The following PIBF1 variants were observed in gnomAD, a reference collection of about 807,000 sequenced individuals.
PIBF1 encodes the protein progesterone immunomodulatory binding factor 1, also known as progesterone-induced-blocking factor 1.
In PIBF1, 90 loss-of-function variants were observed where a neutral mutation model predicts 112.5. The ratio of observed to expected loss-of-function variants is 0.80; its 90% CI spans 0.67 to 0.95. PIBF1 has a LOEUF of 0.95. Among genes scored for constraint, PIBF1 ranks in the 40% least tolerant of loss-of-function variants. The probability of loss-of-function intolerance (pLI) is 0.00; values close to 1 mark genes in which losing one functional copy is unlikely to be tolerated. For missense variants in PIBF1, 915 were observed against 852.3 expected (o/e 1.07, Z -0.92); for synonymous variants, 301 against 288.6 (o/e 1.04, Z -0.44).
chr13:72,890,615 T>C (rs2040020259), intron 10 of PIBF1, among the ~76,000 whole-genome samples: 1 of 152,126 alleles, frequency 6.6e-6, no homozygotes, highest in Non-Finnish European at 1.5e-5. Flanking sequence ...TTTTACCTCT[T>C]AAGGTTACTA....
intron 5 of PIBF1, among the ~76,000 whole-genome samples, chr13:72,807,931 C>G (rs1335877439): frequency 6.6e-6 from 1 of 152,060 alleles, no homozygotes; most frequent in Non-Finnish European, 1.5e-5. Context: ...TATCAAATAC[C>G]TCTCCATCTA....
chr13:72,814,907 A>G (rs1020274435), intron 5 of PIBF1, among the ~76,000 whole-genome samples: 8 of 152,330 alleles, frequency 5.3e-5, no homozygotes, highest in Middle Eastern at 3.4e-3. Context: ...TGCCAACAAA[A>G]TATAGATTAC....
chr13:72,804,503 A>AT (rs1419266861), intron 5 of PIBF1, among the ~76,000 whole-genome samples: 1 of 152,206 alleles, frequency 6.6e-6, no homozygotes, highest in East Asian at 1.9e-4. Context: ...TGTCTGTGAC[A>AT]TTCCTTCCCA....
chr13:72,857,713 GC>G (rs776315658), intron 10 of PIBF1, among the ~76,000 whole-genome samples: 45 of 152,226 alleles, frequency 3.0e-4, no homozygotes, highest in Non-Finnish European at 5.3e-4. Context: ...AGTGGCACGT[GC>G]CTGTAATCCC....
chr13:72,793,510 G>A (rs1017115804), intron 3 of PIBF1, among the ~76,000 whole-genome samples: 3 of 152,152 alleles, frequency 2.0e-5, no homozygotes, highest in Non-Finnish European at 2.9e-5. Context: ...TACTGGGTTC[G>A]CAGGTGATGC....
At chr13:72,807,799 C>A (rs1279223958) in intron 5 of PIBF1, among the ~76,000 whole-genome samples, 1 of 152,158 alleles carries the variant, frequency 6.6e-6, no homozygotes, top group Non-Finnish European at 1.5e-5. Context: ...TGATCACCTG[C>A]CCCAGAGTGT....
At chr13:72,911,257 A>G (rs145540525) in intron 12 of PIBF1, among the ~76,000 whole-genome samples, 64 of 152,314 alleles carry the variant, frequency 4.2e-4, no homozygotes, top group African/African-American at 1.3e-3. Flanking sequence ...TAAAGCTTCA[A>G]TATCAGGATA....
chr13:72,891,397 T>C (rs2040050485), intron 10 of PIBF1, among the ~76,000 whole-genome samples: 1 of 152,180 alleles, frequency 6.6e-6, no homozygotes, highest in Non-Finnish European at 1.5e-5. Flanking sequence ...AAGTATTGAT[T>C]TCACACATTT....
chr13:72,969,620 A>T (rs555373054), intron 15 of PIBF1: 4 of 152,220 alleles, frequency 2.6e-5, no homozygotes, highest in African/African-American at 7.2e-5. Flanking sequence ...CCAGTAATTC[A>T]GATATGGTAG....
intron 12 of PIBF1, among the ~76,000 whole-genome samples, chr13:72,913,906 A>G (rs1211647782): frequency 6.6e-6 from 1 of 152,248 alleles, no homozygotes; most frequent in Non-Finnish European, 1.5e-5. Context: ...CCAACTTCAA[A>G]TAAAATAGAT....
intron 17 of PIBF1, among the ~76,000 whole-genome samples, chr13:73,006,395 G>T (rs1182888083): frequency 2.0e-5 from 3 of 152,146 alleles, no homozygotes; most frequent in Non-Finnish European, 4.4e-5. Context: ...AGCTAAACTA[G>T]AAATCAGGAA....
At chr13:72,966,011 A>T (rs1027969601) in intron 15 of PIBF1, among the ~76,000 whole-genome samples, 4 of 152,166 alleles carry the variant, frequency 2.6e-5, no homozygotes, top group Admixed American at 6.6e-5. Flanking sequence ...TGTGTAAATG[A>T]AACAGTTTTA....
At chr13:72,977,989 T>A (rs2043064891) in intron 16 of PIBF1, among the ~76,000 whole-genome samples, 1 of 152,130 alleles carries the variant, frequency 6.6e-6, no homozygotes, top group Admixed American at 6.5e-5. Context: ...TGGGTAAATA[T>A]ATTAGGTTAA....
At chr13:72,844,838 A>T (rs959366094) in intron 9 of PIBF1, among the ~76,000 whole-genome samples, 1 of 144,414 alleles carries the variant, frequency 6.9e-6, no homozygotes, top group Admixed American at 7.1e-5. Flanking sequence ...CTGGGTCTTG[A>T]ACTCCTGAGC....
chr13:72,861,244 G>A (rs1332774692), intron 10 of PIBF1, among the ~76,000 whole-genome samples: 1 of 151,926 alleles, frequency 6.6e-6, no homozygotes, highest in African/African-American at 2.4e-5. Flanking sequence ...ACCAGCCTGG[G>A]CAACATAGTG....
At chr13:72,799,334 C>G (rs556940865) in intron 5 of PIBF1, among the ~76,000 whole-genome samples, 1 of 152,154 alleles carries the variant, frequency 6.6e-6, no homozygotes, top group Admixed American at 6.5e-5. Context: ...TAATGCTCTA[C>G]TTTGCTGTAC....
intron 5 of PIBF1, among the ~76,000 whole-genome samples, chr13:72,818,238 CTCA>C (rs1418809684): frequency 1.3e-5 from 2 of 152,164 alleles, no homozygotes; most frequent in Non-Finnish European, 2.9e-5. Flanking sequence ...TTCTTTGGAA[CTCA>C]TCATCTGGAT....
chr13:72,856,779 G>A (rs534013685), intron 10 of PIBF1, among the ~76,000 whole-genome samples: 2 of 152,180 alleles, frequency 1.3e-5, no homozygotes, highest in Admixed American at 6.6e-5. Flanking sequence ...AATTCTAGAT[G>A]TACCATCAGT....
intron 9 of PIBF1, among the ~76,000 whole-genome samples, chr13:72,849,105 A>G (rs983609984): frequency 2.6e-5 from 4 of 152,170 alleles, no homozygotes; most frequent in African/African-American, 7.2e-5. Context: ...TCCTCTCAGT[A>G]TGTCTCCATC....
Sources: allele counts gnomAD v4.1 joint callset (sites outside exome capture counted in the v4.1 genomes callset), GRCh38; gene constraint gnomAD v4.1.1; transcripts MANE v1.5; gene names NCBI Gene and HGNC (gene_info 2026-07-23, HGNC 2026-07-21).